DERL3: variants seen among roughly 807,000 people sequenced by gnomAD.
The protein encoded by DERL3 is derlin-3.
DERL3 carries 20 observed loss-of-function variants against 23.8 expected under a neutral mutation model. The ratio of observed to expected loss-of-function variants is 0.84; its 90% CI spans 0.59 to 1.22. The LOEUF (loss-of-function observed/expected upper bound fraction) is 1.22, where lower values mean the gene tolerates loss of function less well. DERL3 is among the 50% of genes most tolerant of loss of function. The pLI is 0.00. For missense variants in DERL3, 319 were observed against 304.1 expected, an observed-to-expected ratio of 1.05 and a Z score of -0.36; for synonymous variants, 145 against 132.5, an observed-to-expected ratio of 1.09 and a Z score of -0.65.
In DERL3 at chr22:23,837,794, A is replaced by ACAC. The variant is rs1568969397; in HGVS notation, c.385_387dup (p.Val129dup). On this transcript the variant is annotated inframe_insertion, in exon 5 of 7. Transcript: ENST00000318109. Reference sequence around the variant, plus strand: ...CGAGGGCTGCGGCGGCTCCACACGTACACCAGCATGGCCATGAGGGCCTGG... The same window carrying ACAC: ...CGAGGGCTGCGGCGGCTCCACACGTACACCACCAGCATGGCCATGAGGGCCTGG... The ACAC allele has an allele frequency of 6.2e-7, 1 of 1,613,840 alleles. No homozygotes were observed. Among genetic ancestry groups the ACAC allele is most frequent in the Non-Finnish European group, 8.5e-7 (1 of 1,180,000 alleles).
In DERL3 at chr22:23,836,168, C is replaced by T. The variant is rs2031031959; in HGVS notation, c.*701G>A. On this transcript the variant is annotated 3_prime_UTR_variant, in exon 7 of 7. Coordinates refer to ENST00000318109, the MANE Select transcript of DERL3 (RefSeq NM_001002862.3). The stretch of plus-strand genomic sequence containing the variant: ...CAGAAGTCCCTGCCTCACCCAGTCT[C>T]AGAACTCTGCTAAGGTGAAAACTTA... 7.1e-6 allele frequency: 7 copies of T among 985,360 alleles called. No individual in the cohort carries two copies. The South Asian group carries it at 3.3e-4, about 46-fold the overall frequency. The allele number at this position is 985,360 out of a possible 1,614,324, so 61.0% of individuals were successfully genotyped here.
chr22:23,835,762 C>T lies in DERL3; in HGVS notation c.*1107G>A, dbSNP rs183232439. 2.5e-5 allele frequency: 25 copies of T among 985,470 alleles called. No homozygotes were observed. In the East Asian group the frequency reaches 2.5e-3, roughly 98 times the overall value. 61.0% of individuals were successfully genotyped at this position (985,470 alleles called of 1,614,324 possible). The stretch of plus-strand genomic sequence containing the variant: ...CCTCGGCAATGAAAGGGTGAGGCAG[C>T]CCTGTGTCTCCACAACTGGGGGGAT... On this transcript the variant is annotated 3_prime_UTR_variant, in exon 7 of 7. Coordinates refer to ENST00000318109, the MANE Select transcript of DERL3 (RefSeq NM_001002862.3).
rs201924268 is a variant in DERL3 at position 23,838,397 on chromosome 22, C to T, written c.282G>A (p.Thr94=). The T allele has an allele frequency of 5.5e-5, 89 of 1,610,068 alleles. No individual in the cohort carries two copies. In the East Asian group the frequency reaches 1.8e-3, roughly 32 times the overall value. The change falls in exon 4 of 7, where the codon ACG becomes ACA. Residue 94 remains threonine, a synonymous_variant. Transcript: ENST00000318109. ...MLEEGSFRGR[T]ADFVFMFLFG... is the part of the protein sequence containing the mutation. The stretch of plus-strand genomic sequence containing the variant: ...AGAGAAACATGAAGACGAAGTCGGC[C>T]GTGCGGCCGCGGAAGGAGCCCTCTT...
intron 4 of DERL3, 132 bp downstream of exon 4, chr22:23,838,220 G>A: frequency 6.5e-7 from 1 of 1,549,482 alleles, no homozygotes; most frequent in Non-Finnish European, 8.7e-7. Context: ...CACAGAGTGG[G>A]CCCTCAACAC....
Position 23,837,781 on chromosome 22 carries a change from C to T in DERL3, c.401G>A (p.Arg134His), listed in dbSNP as rs762681120. The T allele has an allele frequency of 1.5e-5, 24 of 1,613,748 alleles. No homozygotes were observed. Among genetic ancestry groups the T allele is most frequent in the Non-Finnish European group, 1.9e-5 (22 of 1,180,012 alleles). ...GTTGACCCTCACCCGAGGGCTGCGG[C>T]GGCTCCACACGTACACCAGCATGGC... is the stretch of plus-strand genomic sequence containing the variant. ...LMAMLVYVWSRRSPRVRVNFF... is the reference protein window; with the variant it reads ...LMAMLVYVWSHRSPRVRVNFF... The change falls in exon 5 of 7, where the codon CGC (arginine) becomes CAC (histidine). Residue 134 changes from arginine (R) to histidine (H), a missense_variant. By Grantham distance (29) the Arg-to-His change is conservative. Coordinates refer to ENST00000318109, the MANE Select transcript of DERL3 (RefSeq NM_001002862.3).
In DERL3 at chr22:23,837,129, G is replaced by A. The variant is rs1568968346; in HGVS notation, c.549C>T (p.Tyr183=). The A allele has an allele frequency of 6.2e-7, 1 of 1,614,022 alleles. No individual in the cohort carries two copies. Among genetic ancestry groups the A allele is most frequent in the Non-Finnish European group, 8.5e-7 (1 of 1,179,942 alleles). The change falls in exon 6 of 7, where the codon TAC becomes TAT. Residue 183 remains tyrosine (Y), a synonymous_variant. Coordinates refer to ENST00000318109, the MANE Select transcript of DERL3 (RefSeq NM_001002862.3). ...LLGIAVGHIY[Y]FLEDVFPNQP... ...GGTTGGGGAAGACGTCCTCCAGGAA[G>A]TAGTAGATATGGCCCACCGCAATCC...
chr22:23,836,321 G>A lies in DERL3; in HGVS notation c.*548C>T. ...CCACCTGTCAGGGTGGCTGATGAGA[G>A]ACAGGAGAGGCTAGATTGGCATCAG... On this transcript the variant is annotated 3_prime_UTR_variant, in exon 7 of 7. Transcript: ENST00000318109. 2.0e-6 allele frequency: 2 copies of A among 985,510 alleles called. No homozygotes were observed. The highest frequency in any genetic ancestry group is 1.2e-6 in the Non-Finnish European group (1 of 829,960). 61.0% of individuals were successfully genotyped at this position (985,510 alleles called of 1,614,324 possible).
intron 4 of DERL3, 91 bp downstream of exon 4, chr22:23,838,261 T>C (rs1049062603): frequency 1.9e-6 from 3 of 1,551,714 alleles, no homozygotes; most frequent in African/African-American, 1.4e-5. Context: ...ACTGTGTCCC[T>C]CTCTGGCATG....
In DERL3 at chr22:23,835,988, AG is replaced by A; in HGVS notation, c.*880del. ...GAAAATGACAACCTGTCTTTGGAGG[AG>A]GCCCCGTGCCACTGAGCATCCAGAA... On this transcript the variant is annotated 3_prime_UTR_variant, in exon 7 of 7. Transcript: ENST00000318109. The A allele has an allele frequency of 1.3e-5, 13 of 985,532 alleles. No individual in the cohort carries two copies. Among genetic ancestry groups the A allele is most frequent in the Non-Finnish European group, 1.6e-5 (13 of 829,962 alleles). The allele number at this position is 985,532 out of a possible 1,614,324, so 61.0% of individuals were successfully genotyped here.
chr22:23,838,960 A>G lies in DERL3; in HGVS notation c.28T>C (p.Phe10Leu). The change falls in exon 1 of 7, where the codon TTC (phenylalanine) becomes CTC (leucine). Residue 10 changes from phenylalanine to leucine, a missense_variant. Coordinates refer to ENST00000318109, the MANE Select transcript of DERL3 (RefSeq NM_001002862.3). MAWQGLAAE[F>L]LQVPAVTRAY... The stretch of plus-strand genomic sequence containing the variant: ...CGCGTCACCGCCGGCACCTGCAGGA[A>G]CTCGGCCGCTAGTCCCTGCCACGCC... 2 of 1,581,042 alleles carry G rather than the reference A, an allele frequency of 1.3e-6. No homozygotes were observed. The highest frequency in any genetic ancestry group is 1.2e-5 in the South Asian group (1 of 86,954).
In DERL3 at chr22:23,836,831, G is replaced by A; in HGVS notation, c.*38C>T. 1 of 1,436,236 alleles carries A rather than the reference G, an allele frequency of 7.0e-7. No homozygotes were observed. The highest frequency in any genetic ancestry group is 9.1e-7 in the Non-Finnish European group (1 of 1,093,588). The allele number at this position is 1,436,236 out of a possible 1,614,324, so 89.0% of individuals were successfully genotyped here. ...AGTAGGGGTCATGGGTAGGATGGAA[G>A]CTGCCAGAAGCCTCTTAGGCCTGGC... On this transcript the variant is annotated 3_prime_UTR_variant, in exon 7 of 7. Coordinates refer to ENST00000318109, the MANE Select transcript of DERL3 (RefSeq NM_001002862.3).
In DERL3 at chr22:23,837,960, T is replaced by C. The variant is rs1298662293; in HGVS notation, c.328-106A>G. On this transcript the variant is annotated intron_variant, in intron 4 of 6. Coordinates refer to ENST00000318109, the MANE Select transcript of DERL3 (RefSeq NM_001002862.3). The stretch of plus-strand genomic sequence containing the variant: ...TTCCCCTCATCTCCCCTATGTGCTA[T>C]TCCCTCATCAAGATGAGCCAGTCCA... 6 of 1,288,374 alleles carry C rather than the reference T, an allele frequency of 4.7e-6. No individual in the cohort carries two copies. The East Asian group carries it at 1.5e-4, about 33-fold the overall frequency. The allele number at this position is 1,288,374 out of a possible 1,614,324, so 79.8% of individuals were successfully genotyped here. A position where few individuals can be genotyped will look rare whatever the true frequency, so the allele number is the denominator to read the frequency against.
intron 4 of DERL3, 95 bp from the exon 5 acceptor site, chr22:23,837,949 C>T: frequency 6.8e-6 from 9 of 1,329,652 alleles, no homozygotes; most frequent in Non-Finnish European, 9.2e-6. Flanking sequence ...CCTCATCTCC[C>T]CTATGTGCTA....
At position 23,835,493 on chromosome 22, in the gene DERL3, C is replaced by T. The variant is rs976026774; in HGVS notation, c.*1376G>A. On this transcript the variant is annotated 3_prime_UTR_variant, in exon 7 of 7. Coordinates refer to ENST00000318109, the MANE Select transcript of DERL3 (RefSeq NM_001002862.3). ...CTGATTAGGGATTGGGGTTCTTGGT[C>T]GCTGAGATGTGAGAGGAGGGCTCCT... is the stretch of plus-strand genomic sequence containing the variant. The T allele has an allele frequency of 1.4e-5, 14 of 985,550 alleles. No individual in the cohort carries two copies. The Admixed American group carries it at 1.8e-4, about 13-fold the overall frequency. The allele number at this position is 985,550 out of a possible 1,614,324, so 61.1% of individuals were successfully genotyped here.
Position 23,838,550 on chromosome 22 carries a change from A to C in DERL3, c.233+14T>G, listed in dbSNP as rs759998162. ...TGCCCTCCACCCAGCCCGTGTCCGC[A>C]GGGCGCAGGATACACGAAGAGCATG... On this transcript the variant is annotated intron_variant, in intron 3 of 6. Transcript: ENST00000318109. 1 of 1,581,212 alleles carries C rather than the reference A, an allele frequency of 6.3e-7. No individual in the cohort carries two copies. Among genetic ancestry groups the C allele is most frequent in the African/African-American group, 1.4e-5 (1 of 73,962 alleles).
chr22:23,834,997 G>T lies in DERL3; in HGVS notation c.*1872C>A. On this transcript the variant is annotated 3_prime_UTR_variant, in exon 7 of 7. Transcript: ENST00000318109. ...TCGCCAGCCTGGGTGCAGGAGGGCT[G>T]TTCTAGCTCCAGTGGCACCCATAGC... 1 of 1,477,432 alleles carries T rather than the reference G, an allele frequency of 6.8e-7. No individual in the cohort carries two copies. 91.5% of individuals were successfully genotyped at this position (1,477,432 alleles called of 1,614,324 possible).
At position 23,835,060 on chromosome 22, in the gene DERL3, T is replaced by C. The variant is rs2030933176; in HGVS notation, c.*1809A>G. 7.1e-7 allele frequency: 1 copy of C among 1,401,530 alleles called. No individual in the cohort carries two copies. 86.8% of individuals were successfully genotyped at this position (1,401,530 alleles called of 1,614,324 possible). A position where few individuals can be genotyped will look rare whatever the true frequency, so the allele number is the denominator to read the frequency against. On this transcript the variant is annotated 3_prime_UTR_variant, in exon 7 of 7. Transcript: ENST00000318109. ...GGCCCTTTCCCACCCCAGCAGGTGCTGTGGCCTGGGCCAGCTCCTGCCTTA... is the reference window on the plus strand; with the variant it reads ...GGCCCTTTCCCACCCCAGCAGGTGCCGTGGCCTGGGCCAGCTCCTGCCTTA...
Position 23,834,633 on chromosome 22 carries a change from C to A in DERL3, c.*2236G>T. On this transcript the variant is annotated 3_prime_UTR_variant, in exon 7 of 7. Coordinates refer to ENST00000318109, the MANE Select transcript of DERL3 (RefSeq NM_001002862.3). ...AACAAGGTTGGCACACAGGCCTCAC[C>A]CTCCTCTGCCTCAGATTCCCAAGTG... The A allele has an allele frequency of 1.2e-6, 1 of 824,098 alleles. No homozygotes were observed. The highest frequency in any genetic ancestry group is 1.9e-6 in the Non-Finnish European group (1 of 518,792). 51.0% of individuals were successfully genotyped at this position (824,098 alleles called of 1,614,324 possible).
rs373085149 is a variant in DERL3, at chr22:23,834,930, C to G, written c.*1939G>C. 6.3e-5 allele frequency: 102 copies of G among 1,607,682 alleles called. No individual in the cohort carries two copies. The African/African-American group carries it at 1.2e-3, about 19-fold the overall frequency. On this transcript the variant is annotated 3_prime_UTR_variant, in exon 7 of 7. Transcript: ENST00000318109. The stretch of plus-strand genomic sequence containing the variant: ...AGCTGGGGCCTTGCTGCTCTGAAGT[C>G]CCCTGCGGAGGGCCCAGTCCTGTGT...
Sources: gnomAD v4.1 joint callset for allele counts on GRCh38, gnomAD v4.1.1 for gene constraint, MANE v1.5 for transcripts, NCBI Gene and HGNC (gene_info 2026-07-23, HGNC 2026-07-21) for gene names.